Variants in CNTN5 observed in about 807,000 individuals in gnomAD.
CNTN5 encodes the protein contactin 5, also known as contactin-5.
A neutral mutation model predicts 129.1 loss-of-function variants in CNTN5; 77 were observed. The observed-to-expected ratio is 0.60, with a 90% CI of 0.50 to 0.72. The LOEUF is 0.72. Ranked by LOEUF, CNTN5 falls within the 30% of genes least tolerant of loss-of-function variation. The pLI is 0.00. For synonymous variants in CNTN5, 509 were observed against 465.6 expected (o/e 1.09, Z -1.20); for missense variants, 1,478 against 1,328.8 (o/e 1.11, Z -1.75).
At chr11:100,118,920 C>G (rs1945925202) in intron 13 of CNTN5, among the ~76,000 whole-genome samples, 1 of 151,604 alleles carries the variant, frequency 6.6e-6, no homozygotes, top group South Asian at 2.1e-4. Context: ...ACATTGTTTA[C>G]CTAGAAAAAA....
intron 6 of CNTN5, among the ~76,000 whole-genome samples, chr11:99,883,117 C>T (rs1948814421): frequency 6.6e-6 from 1 of 152,162 alleles, no homozygotes; most frequent in Admixed American, 6.5e-5. Flanking sequence ...CTTCATTCAT[C>T]TATTGATGGA....
intron 2 of CNTN5, among the ~76,000 whole-genome samples, chr11:99,465,017 G>T (rs1425612947): frequency 6.6e-6 from 1 of 152,160 alleles, no homozygotes; most frequent in Non-Finnish European, 1.5e-5. Context: ...CAAATATTCT[G>T]CTAGGAGTTA....
At chr11:99,042,169 C>G (rs1047121320) in intron 1 of CNTN5, among the ~76,000 whole-genome samples, 2 of 151,904 alleles carry the variant, frequency 1.3e-5, no homozygotes, top group African/African-American at 4.8e-5. Flanking sequence ...CAGCATACCT[C>G]CCTTCTTTAT....
At chr11:99,683,728 T>G (rs1049281508) in intron 3 of CNTN5, among the ~76,000 whole-genome samples, 1 of 151,896 alleles carries the variant, frequency 6.6e-6, no homozygotes, top group African/African-American at 2.4e-5. Flanking sequence ...ATAACTGTTT[T>G]AAAATAATGA....
intron 13 of CNTN5, among the ~76,000 whole-genome samples, chr11:100,167,880 G>T (rs1036947829): frequency 6.6e-6 from 1 of 151,950 alleles, no homozygotes; most frequent in Non-Finnish European, 1.5e-5. Context: ...AGCTGTGAAT[G>T]CAACGGAAAA....
intron 16 of CNTN5, 131 bp from the exon 17 acceptor site, chr11:100,255,629 A>T (rs1238794122): frequency 1.3e-6 from 1 of 772,318 alleles, no homozygotes; most frequent in Non-Finnish European, 1.9e-6. Context: ...TTTGTTGTCA[A>T]TTTTAATTAC....
At chr11:100,072,201 C>A (rs1032044441) in intron 12 of CNTN5, among the ~76,000 whole-genome samples, 1 of 152,136 alleles carries the variant, frequency 6.6e-6, no homozygotes, top group Non-Finnish European at 1.5e-5. Flanking sequence ...TCCATGCTCC[C>A]ATAGCAATGC....
At chr11:100,131,273 G>A (rs1198945966) in intron 13 of CNTN5, among the ~76,000 whole-genome samples, 1 of 151,992 alleles carries the variant, frequency 6.6e-6, no homozygotes, top group Non-Finnish European at 1.5e-5. Flanking sequence ...AGCTAGTGAT[G>A]AAGAGCAAAG....
chr11:100,003,027 T>C (rs7126368), intron 9 of CNTN5, among the ~76,000 whole-genome samples: 57,375 of 151,864 alleles, frequency 0.38, 12,339 homozygotes, highest in African/African-American at 0.59. Context: ...TTAAAGTAGG[T>C]TTAGCCTTTG....
chr11:99,850,213 T>A (rs1005110514), intron 6 of CNTN5, among the ~76,000 whole-genome samples: 2 of 151,846 alleles, frequency 1.3e-5, no homozygotes, highest in African/African-American at 2.4e-5. Context: ...CTTACTAACA[T>A]ATTTTTTCTT....
chr11:99,766,726 CT>C (rs1328420776), intron 3 of CNTN5, among the ~76,000 whole-genome samples: 1 of 151,998 alleles, frequency 6.6e-6, no homozygotes, highest in Non-Finnish European at 1.5e-5. Flanking sequence ...ATTTAATATG[CT>C]TTAAAGCAGA....
chr11:99,855,934 T>C (rs1315698688), intron 6 of CNTN5, among the ~76,000 whole-genome samples: 2 of 152,188 alleles, frequency 1.3e-5, no homozygotes, highest in African/African-American at 4.8e-5. Context: ...ATTATCATAA[T>C]AAAACTAGAA....
At chr11:99,365,485 AT>A (rs1382312394) in intron 2 of CNTN5, among the ~76,000 whole-genome samples, 1 of 152,140 alleles carries the variant, frequency 6.6e-6, no homozygotes, top group Non-Finnish European at 1.5e-5. Flanking sequence ...AGAGAAAACA[AT>A]TTTAGAGAGG....
At chr11:99,160,947 T>C (rs1324378716) in intron 1 of CNTN5, among the ~76,000 whole-genome samples, 2 of 152,218 alleles carry the variant, frequency 1.3e-5, no homozygotes, top group Non-Finnish European at 2.9e-5. Flanking sequence ...ATGGTATTAA[T>C]GACTAGGATA....
At chr11:99,194,616 T>C (rs1313714910) in intron 1 of CNTN5, among the ~76,000 whole-genome samples, 1 of 152,188 alleles carries the variant, frequency 6.6e-6, no homozygotes, top group Non-Finnish European at 1.5e-5. Context: ...TTATTTTTTT[T>C]TCTTTTAGAG....
chr11:99,950,194 T>A (rs540362026), intron 7 of CNTN5, among the ~76,000 whole-genome samples: 9 of 152,204 alleles, frequency 5.9e-5, no homozygotes, highest in Non-Finnish European at 1.3e-4. Flanking sequence ...ATCTTGATTC[T>A]GAGGCTGGGC....
intron 3 of CNTN5, among the ~76,000 whole-genome samples, chr11:99,802,931 G>C (rs1438830809): frequency 6.6e-6 from 1 of 152,188 alleles, no homozygotes; most frequent in Non-Finnish European, 1.5e-5. Flanking sequence ...CAATCCTGGT[G>C]AGCCGGTGTT....
intron 2 of CNTN5, among the ~76,000 whole-genome samples, chr11:99,550,764 G>GT (rs1377526734): frequency 1.3e-5 from 2 of 152,062 alleles, no homozygotes; most frequent in African/African-American, 2.4e-5. Flanking sequence ...ATATTAACAG[G>GT]TAAGTAGGCT....
intron 13 of CNTN5, among the ~76,000 whole-genome samples, chr11:100,165,797 C>T (rs1370932573): frequency 6.6e-6 from 1 of 151,662 alleles, no homozygotes; most frequent in Non-Finnish European, 1.5e-5. Flanking sequence ...CAGTGCTGAT[C>T]GCCTTGCATT....
Sources: gnomAD v4.1 joint callset for allele counts (sites outside exome capture counted in the v4.1 genomes callset) on GRCh38, gnomAD v4.1.1 for gene constraint, MANE v1.5 for transcripts, NCBI Gene and HGNC (gene_info 2026-07-23, HGNC 2026-07-21) for gene names.